The following SIK3 variants were observed in gnomAD, a reference collection of about 807,000 sequenced individuals.
The protein encoded by SIK3 is SIK family kinase 3, also known as serine/threonine-protein kinase SIK3.
In SIK3, 28 loss-of-function variants were observed where a neutral mutation model predicts 144.2. That is an observed-to-expected ratio of 0.19 (90% confidence interval 0.14 to 0.27). SIK3 has a LOEUF of 0.27. Among genes scored for constraint, SIK3 ranks in the 10% least tolerant of loss-of-function variants. The pLI is 1.00. For missense variants in SIK3, 1,319 were observed against 1,776.0 expected, an observed-to-expected ratio of 0.74 and a Z score of 4.62; for synonymous variants, 686 against 676.3, an observed-to-expected ratio of 1.01 and a Z score of -0.22.
chr11:116,997,938 C>A (rs7950213), intron 1 of SIK3, among the ~76,000 whole-genome samples: 24,639 of 152,036 alleles, frequency 0.16, 2,120 homozygotes, highest in Admixed American at 0.21. Flanking sequence ...TAGCTCATTG[C>A]AGCTTTAAAT....
intron 4 of SIK3, among the ~76,000 whole-genome samples, chr11:116,910,319 A>AG (rs2134942800): frequency 6.6e-6 from 1 of 152,324 alleles, no homozygotes; most frequent in South Asian, 2.1e-4. Context: ...CCAGAAAAGA[A>AG]GAAAAAAAAA....
intron 1 of SIK3, among the ~76,000 whole-genome samples, chr11:116,969,575 T>C (rs370732172): frequency 8.4e-6 from 1 of 118,810 alleles, no homozygotes; most frequent in African/African-American, 3.2e-5. Flanking sequence ...AACTAAGAGA[T>C]CAAGTTGGCA....
chr11:117,038,674 A>T (rs1276025410), intron 1 of SIK3, among the ~76,000 whole-genome samples: 1 of 151,596 alleles, frequency 6.6e-6, no homozygotes, highest in Non-Finnish European at 1.5e-5. Flanking sequence ...CTTTATTTGC[A>T]ATGACTCTCC....
chr11:117,075,780 T>C (rs1202203355), intron 1 of SIK3, among the ~76,000 whole-genome samples: 1 of 150,146 alleles, frequency 6.7e-6, no homozygotes, highest in Non-Finnish European at 1.5e-5. Context: ...CCTGACCTTA[T>C]GATCTGCCCA....
chr11:116,914,864 A>G (rs538304439), intron 4 of SIK3, among the ~76,000 whole-genome samples: 53 of 152,288 alleles, frequency 3.5e-4, no homozygotes, highest in South Asian at 1.9e-3. Flanking sequence ...AAAGGAATGT[A>G]TTATCTTAAA....
At chr11:117,024,165 T>C (rs143716766) in intron 1 of SIK3, among the ~76,000 whole-genome samples, 1 of 152,134 alleles carries the variant, frequency 6.6e-6, no homozygotes, top group African/African-American at 2.4e-5. Flanking sequence ...TGTACCCCAC[T>C]GGGTTGTGGG....
chr11:117,003,660 C>T (rs1950940252), intron 1 of SIK3, among the ~76,000 whole-genome samples: 1 of 152,052 alleles, frequency 6.6e-6, no homozygotes, highest in Non-Finnish European at 1.5e-5. Context: ...CAATGCCATG[C>T]CAGGCACACA....
intron 1 of SIK3, among the ~76,000 whole-genome samples, chr11:117,071,343 G>A (rs1347453392): frequency 6.6e-6 from 1 of 152,006 alleles, no homozygotes; most frequent in East Asian, 1.9e-4. Flanking sequence ...AGGTCAAAGG[G>A]ATAGGTTTGC....
chr11:116,879,526 A>C (rs1376261000), intron 6 of SIK3, among the ~76,000 whole-genome samples: 1 of 152,188 alleles, frequency 6.6e-6, no homozygotes, highest in Non-Finnish European at 1.5e-5. Flanking sequence ...AAATTGATCT[A>C]CTTTTCTAGG....
chr11:116,871,807 G>A (rs1276684080), intron 13 of SIK3, among the ~76,000 whole-genome samples: 1 of 152,164 alleles, frequency 6.6e-6, no homozygotes, highest in Non-Finnish European at 1.5e-5. Flanking sequence ...GAATGACAGT[G>A]CCATTCACTG....
chr11:116,896,610 A>C (rs1945413381), intron 5 of SIK3, among the ~76,000 whole-genome samples: 1 of 152,206 alleles, frequency 6.6e-6, no homozygotes, highest in Non-Finnish European at 1.5e-5. Flanking sequence ...GCCACAGTAG[A>C]AATAATCTCT....
In SIK3 at chr11:116,875,782, C is replaced by A. The variant is rs550997302; in HGVS notation, c.1239+84G>T. The stretch of plus-strand genomic sequence containing the variant: ...GAGGTAAGGAAGAGCAAGAAACTCT[C>A]GACTTAGGGTTAGTGAGCAACAGCT... On this transcript the variant is annotated intron_variant, in intron 9 of 24. Transcript: ENST00000445177. The A allele has an allele frequency of 5.4e-5, 78 of 1,457,140 alleles. No individual in the cohort carries two copies. In the South Asian group the frequency reaches 9.8e-4, roughly 18 times the overall value. The allele number at this position is 1,457,140 out of a possible 1,614,324, so 90.3% of individuals were successfully genotyped here.
At chr11:117,076,406 T>C (rs1271981956) in intron 1 of SIK3, among the ~76,000 whole-genome samples, 1 of 152,230 alleles carries the variant, frequency 6.6e-6, no homozygotes, top group African/African-American at 2.4e-5. Context: ...GAGTAAATTA[T>C]GTTAATTTCT....
At chr11:117,085,445 T>C (rs1485524226) in intron 1 of SIK3, among the ~76,000 whole-genome samples, 1 of 152,136 alleles carries the variant, frequency 6.6e-6, no homozygotes, top group Non-Finnish European at 1.5e-5. Context: ...TGGTTTTGTT[T>C]GTTTGTTTAA....
intron 1 of SIK3, among the ~76,000 whole-genome samples, chr11:117,038,932 C>T (rs113302216): frequency 0.014 from 2,156 of 151,936 alleles, 63 homozygotes; most frequent in African/African-American, 0.049. Flanking sequence ...TGCCTCTAAT[C>T]CCAGCTACTC....
At chr11:116,924,878 A>AC (rs1947190133) in intron 4 of SIK3, among the ~76,000 whole-genome samples, 1 of 152,194 alleles carries the variant, frequency 6.6e-6, no homozygotes, top group South Asian at 2.1e-4. Context: ...CCTTACAGTG[A>AC]CATCTGTGGC....
At chr11:117,000,815 C>T (rs1950823589) in intron 1 of SIK3, among the ~76,000 whole-genome samples, 5 of 152,148 alleles carry the variant, frequency 3.3e-5, no homozygotes, top group Admixed American at 2.6e-4. Flanking sequence ...AATAACTAGC[C>T]CAATGAGATC....
chr11:117,085,111 CTCTTT>C (rs1454314015), intron 1 of SIK3, among the ~76,000 whole-genome samples: 1 of 151,546 alleles, frequency 6.6e-6, no homozygotes, highest in African/African-American at 2.4e-5. Context: ...TCTTTTCTCT[CTCTTT>C]TCTTTCTTTC....
At chr11:117,037,995 C>T (rs769305302) in intron 1 of SIK3, among the ~76,000 whole-genome samples, 1 of 152,154 alleles carries the variant, frequency 6.6e-6, no homozygotes, top group African/African-American at 2.4e-5. Context: ...TTTTATAATG[C>T]CTCTTTTTTG....
Sources: allele counts gnomAD v4.1 joint callset (sites outside exome capture counted in the v4.1 genomes callset), GRCh38; gene constraint gnomAD v4.1.1; transcripts MANE v1.5; gene names NCBI Gene and HGNC (gene_info 2026-07-23, HGNC 2026-07-21).